THEMIS: variants seen among roughly 807,000 people sequenced by gnomAD.
THEMIS encodes the protein thymocyte selection associated.
In THEMIS, 37 loss-of-function variants were observed where a neutral mutation model predicts 52.6. That is an observed-to-expected ratio of 0.70 (90% CI 0.54 to 0.93). The LOEUF is 0.93. THEMIS is among the 40% of genes least tolerant of loss of function. THEMIS has a pLI of 0.00. For synonymous variants in THEMIS, 292 were observed against 272.7 expected (o/e 1.07, Z -0.70); for missense variants, 808 against 763.1 (o/e 1.06, Z -0.69).
At chr6:127,913,600 C>G (rs1420270382) in intron 1 of THEMIS, among the ~76,000 whole-genome samples, 1 of 152,178 alleles carries the variant, frequency 6.6e-6, no homozygotes, top group Non-Finnish European at 1.5e-5. Flanking sequence ...AGAATCATGA[C>G]CAGACCTGGA....
At chr6:127,733,768 T>A (rs1025084477) in intron 4 of THEMIS, among the ~76,000 whole-genome samples, 10 of 152,198 alleles carry the variant, frequency 6.6e-5, no homozygotes, top group South Asian at 2.1e-4. Context: ...AAGAACGTTT[T>A]GGGAGGAAGA....
At chr6:127,889,059 A>T (rs1220652191) in intron 1 of THEMIS, among the ~76,000 whole-genome samples, 1 of 152,120 alleles carries the variant, frequency 6.6e-6, no homozygotes, top group African/African-American at 2.4e-5. Context: ...TTATTTCACT[A>T]CATGTCAGGT....
At chr6:127,832,928 T>C (rs569839139) in intron 2 of THEMIS, among the ~76,000 whole-genome samples, 6 of 151,608 alleles carry the variant, frequency 4.0e-5, no homozygotes, top group Admixed American at 6.6e-5. Flanking sequence ...GGATTACAGG[T>C]GTGCACCACC....
intron 4 of THEMIS, among the ~76,000 whole-genome samples, chr6:127,734,779 G>C (rs1242601623): frequency 1.4e-5 from 2 of 143,702 alleles, no homozygotes; most frequent in African/African-American, 2.6e-5. Flanking sequence ...TGAGGCAGGA[G>C]AATCGCTTGA....
At chr6:127,859,906 A>T (rs10484718) in intron 1 of THEMIS, among the ~76,000 whole-genome samples, 13,038 of 152,222 alleles carry the variant, frequency 0.086, 687 homozygotes, top group Non-Finnish European at 0.12. Context: ...TTTGCTCATT[A>T]TAAATAGGTG....
intron 1 of THEMIS, chr6:127,909,758 A>T (rs531676995): frequency 9.2e-5 from 14 of 152,228 alleles, no homozygotes; most frequent in Admixed American, 8.5e-4. Flanking sequence ...AACTATACAC[A>T]CACAAAGGAG....
chr6:127,818,604 C>T (rs1477128436), intron 3 of THEMIS, among the ~76,000 whole-genome samples: 1 of 146,940 alleles, frequency 6.8e-6, no homozygotes, highest in Non-Finnish European at 1.5e-5. Context: ...AAAACTACAA[C>T]ATATATTATA....
intron 4 of THEMIS, among the ~76,000 whole-genome samples, chr6:127,742,813 T>C (rs1775254975): frequency 6.6e-6 from 1 of 152,052 alleles, no homozygotes; most frequent in Admixed American, 6.5e-5. Context: ...CAGATTTTAG[T>C]TTGGGAAGAT....
chr6:127,825,941 T>C (rs182801450), intron 3 of THEMIS, among the ~76,000 whole-genome samples: 2 of 152,214 alleles, frequency 1.3e-5, no homozygotes, highest in Non-Finnish European at 2.9e-5. Flanking sequence ...ATACTCGTTA[T>C]ACACCACTTG....
intron 4 of THEMIS, among the ~76,000 whole-genome samples, chr6:127,728,555 A>T (rs1023700221): frequency 6.6e-6 from 1 of 152,228 alleles, no homozygotes; most frequent in Non-Finnish European, 1.5e-5. Flanking sequence ...TAGTTAATTT[A>T]TACCAACTCA....
intron 4 of THEMIS, among the ~76,000 whole-genome samples, chr6:127,728,740 C>G (rs1401348861): frequency 6.6e-6 from 1 of 151,800 alleles, no homozygotes; most frequent in Non-Finnish European, 1.5e-5. Flanking sequence ...GGTGAGGTGG[C>G]CGGGAGGAAG....
rs544428291 is a variant in THEMIS, at chr6:127,894,952, A to G, written c.91+5890T>C. ...TCCTACATTGTATTTCAAAAAGTAT[A>G]TACTTTTTGAAAATACATATATTTA... On this transcript the variant is annotated intron_variant, in intron 1 of 5. Coordinates refer to ENST00000368248, the MANE Select transcript of THEMIS (RefSeq NM_001010923.3). 9.4e-5 allele frequency among the ~76,000 whole-genome samples: 14 copies of G among 149,604 alleles called. No homozygotes were observed. In the South Asian group the frequency reaches 2.5e-3, roughly 27 times the overall value.
intron 1 of THEMIS, among the ~76,000 whole-genome samples, chr6:127,889,669 T>A (rs1780745761): frequency 6.6e-6 from 1 of 150,376 alleles, no homozygotes; most frequent in African/African-American, 2.4e-5. Context: ...TTGCTAGTAT[T>A]TAATATTAAA....
chr6:127,882,344 CT>C (rs1780510766), intron 1 of THEMIS, among the ~76,000 whole-genome samples: 2 of 151,830 alleles, frequency 1.3e-5, no homozygotes, highest in African/African-American at 4.8e-5. Context: ...AGATTCTATT[CT>C]GACAGTCATT....
chr6:127,711,746 C>T (rs1199231064), intron 5 of THEMIS, among the ~76,000 whole-genome samples: 1 of 151,956 alleles, frequency 6.6e-6, no homozygotes, highest in East Asian at 1.9e-4. Flanking sequence ...GTGACTTTAT[C>T]TATAAAAAGG....
intron 4 of THEMIS, among the ~76,000 whole-genome samples, chr6:127,799,284 A>T (rs187095269): frequency 6.6e-6 from 1 of 152,316 alleles, no homozygotes; most frequent in Non-Finnish European, 1.5e-5. Context: ...AAACAAAAAG[A>T]CTAGTTAAGA....
intron 2 of THEMIS, among the ~76,000 whole-genome samples, chr6:127,844,969 A>G (rs570331892): frequency 6.6e-6 from 1 of 152,004 alleles, no homozygotes; most frequent in Admixed American, 6.6e-5. Flanking sequence ...AGGTGTCAAA[A>G]GAGACATATG....
intron 4 of THEMIS, among the ~76,000 whole-genome samples, chr6:127,746,965 TATAATTATATTATATATAATTATATATAG>T (rs1775442613): frequency 1.2e-5 from 1 of 86,474 alleles, no homozygotes; most frequent in Non-Finnish European, 2.0e-5. Context: ...TATAGATATC[TATAATTATATTATATATAATTATATATAG>T]ATATCTATAA....
chr6:127,722,471 T>C (rs1248326534), intron 4 of THEMIS, among the ~76,000 whole-genome samples: 4 of 151,948 alleles, frequency 2.6e-5, no homozygotes, highest in African/African-American at 9.7e-5. Context: ...CTCTCCCCTT[T>C]CCTATTTCTC....
Sources: gnomAD v4.1 joint callset for allele counts (sites outside exome capture counted in the v4.1 genomes callset) on GRCh38, gnomAD v4.1.1 for gene constraint, MANE v1.5 for transcripts, NCBI Gene and HGNC (gene_info 2026-07-23, HGNC 2026-07-21) for gene names.